The following NEK1 variants were observed in gnomAD, a reference collection of about 807,000 sequenced individuals.
NEK1 encodes NIMA related kinase 1.
NEK1 carries 137 observed loss-of-function variants against 182.1 expected under a neutral mutation model. The ratio of observed to expected loss-of-function variants is 0.75; its 90% CI spans 0.65 to 0.87. The LOEUF is 0.87. Among genes scored for constraint, NEK1 ranks in the 40% least tolerant of loss-of-function variants. NEK1 has a pLI of 0.00. For missense variants in NEK1, 1,391 were observed against 1,494.4 expected (o/e 0.93, Z 1.14); for synonymous variants, 513 against 492.2 (o/e 1.04, Z -0.56).
intron 27 of NEK1, among the ~76,000 whole-genome samples, chr4:169,453,495 C>T (rs1473025325): frequency 6.6e-6 from 1 of 152,210 alleles, no homozygotes; most frequent in Non-Finnish European, 1.5e-5. Context: ...CTCTGCAGCA[C>T]TGTGACATGT....
At chr4:169,524,810 G>A (rs1250683929) in intron 19 of NEK1, among the ~76,000 whole-genome samples, 2 of 152,152 alleles carry the variant, frequency 1.3e-5, no homozygotes, top group African/African-American at 4.8e-5. Flanking sequence ...ACACATGAAC[G>A]TTATGGGAAA....
chr4:169,492,256 G>A (rs993153531), intron 23 of NEK1, among the ~76,000 whole-genome samples: 2 of 152,168 alleles, frequency 1.3e-5, no homozygotes, highest in African/African-American at 4.8e-5. Context: ...TCTCATGCCC[G>A]TTCTCCTCAG....
chr4:169,484,972 A>G (rs984593545), intron 23 of NEK1, among the ~76,000 whole-genome samples: 1 of 152,232 alleles, frequency 6.6e-6, no homozygotes, highest in Non-Finnish European at 1.5e-5. Flanking sequence ...CTTAAACACT[A>G]CAAGTCTGGT....
In NEK1 at chr4:169,420,320, T is replaced by C. The variant is rs114532380; in HGVS notation, c.3222+4233A>G. Among the ~76,000 whole-genome samples, 1,076 of 152,326 alleles carry C rather than the reference T, an allele frequency of 7.1e-3. 11 individuals carry two copies. The highest frequency in any genetic ancestry group is 0.025 in the African/African-American group (1,036 of 41,582). ...CCTGAGGCCGTTTTACAGTTCACTT[T>C]CTTTTAATACGTAGAACACTCCAAA... On this transcript the variant is annotated intron_variant, in intron 31 of 35. Coordinates refer to ENST00000507142, the MANE Select transcript of NEK1 (RefSeq NM_001199397.3).
At position 169,585,485 on chromosome 4, in the gene NEK1, G is replaced by T; in HGVS notation, c.671C>A (p.Ser224Tyr). Residue 224 changes from serine (S) to tyrosine (Y), a missense_variant, in exon 10 of 36, where the codon TCT becomes TAT. Physicochemically the swap from Ser to Tyr is moderately radical, Grantham distance 144 (BLOSUM62 -2). Coordinates refer to ENST00000507142, the MANE Select transcript of NEK1 (RefSeq NM_001199397.3). ...GCGGAGATCATAGGAATAATGCAAAGACACAGGTGGAAAAGATCCAGATAT... is the reference window on the plus strand; with the variant it reads ...GCGGAGATCATAGGAATAATGCAAATACACAGGTGGAAAAGATCCAGATAT... ...KIISGSFPPV[S>Y]LHYSYDLRSL... is the part of the protein sequence containing the mutation. 6.2e-7 allele frequency: 1 copy of T among 1,613,578 alleles called. No homozygotes were observed. Among genetic ancestry groups the T allele is most frequent in the Non-Finnish European group, 8.5e-7 (1 of 1,179,666 alleles).
intron 29 of NEK1, among the ~76,000 whole-genome samples, chr4:169,428,972 A>G (rs572157900): frequency 1.8e-4 from 28 of 152,132 alleles, no homozygotes; most frequent in African/African-American, 6.3e-4. Flanking sequence ...TATTCCATTA[A>G]TGCTTTAGAG....
intron 30 of NEK1, among the ~76,000 whole-genome samples, chr4:169,425,530 T>C (rs1736241491): frequency 6.6e-6 from 1 of 152,092 alleles, no homozygotes; most frequent in South Asian, 2.1e-4. Flanking sequence ...TTTGTTCCTA[T>C]AGGTTAGATG....
chr4:169,515,445 C>T (rs1239328242), intron 19 of NEK1, among the ~76,000 whole-genome samples: 1 of 151,024 alleles, frequency 6.6e-6, no homozygotes, highest in Non-Finnish European at 1.5e-5. Flanking sequence ...TTTCTGCTCT[C>T]TATATTTTAA....
intron 27 of NEK1, among the ~76,000 whole-genome samples, chr4:169,440,831 G>A (rs1294852329): frequency 6.6e-6 from 1 of 152,180 alleles, no homozygotes; most frequent in East Asian, 1.9e-4. Context: ...TGGAGTCAAA[G>A]TGATGCATTA....
intron 18 of NEK1, among the ~76,000 whole-genome samples, chr4:169,543,634 C>G (rs1476737682): frequency 6.6e-6 from 1 of 152,142 alleles, no homozygotes; most frequent in African/African-American, 2.4e-5. Flanking sequence ...AATGTTTTTC[C>G]ATTTGTTTCT....
intron 23 of NEK1, among the ~76,000 whole-genome samples, chr4:169,495,193 A>C (rs1349080380): frequency 6.8e-6 from 1 of 147,518 alleles, no homozygotes; most frequent in African/African-American, 2.5e-5. Context: ...GGTACTGCCT[A>C]GGTTTTCTTC....
At chr4:169,504,242 G>A (rs963290841) in intron 23 of NEK1, among the ~76,000 whole-genome samples, 1 of 152,106 alleles carries the variant, frequency 6.6e-6, no homozygotes, top group Admixed American at 6.6e-5. Context: ...GCGAGGATGT[G>A]GAGAAAAGGG....
intron 29 of NEK1, among the ~76,000 whole-genome samples, chr4:169,427,273 C>G (rs1404879617): frequency 6.6e-6 from 1 of 151,752 alleles, no homozygotes; most frequent in Non-Finnish European, 1.5e-5. Flanking sequence ...ACTACAGGAG[C>G]CCGCCACCAT....
In NEK1 at chr4:169,602,678, A is replaced by G. The variant is rs1055207009; in HGVS notation, c.-48T>C. The G allele has an allele frequency of 1.0e-6, 1 of 976,668 alleles. No individual in the cohort carries two copies. Among genetic ancestry groups the G allele is most frequent in the Admixed American group, 2.0e-5 (1 of 49,676 alleles). The allele number at this position is 976,668 out of a possible 1,614,324, so 60.5% of individuals were successfully genotyped here. The stretch of plus-strand genomic sequence containing the variant: ...TACAGATATGCTAGACATTTAAAAA[A>G]CTAACAAAAAAGATAAAGCATTTAT... On this transcript the variant is annotated splice_region_variant and 5_prime_UTR_variant, in exon 3 of 36. Transcript: ENST00000507142.
chr4:169,551,984 T>C (rs1266983427), intron 18 of NEK1, among the ~76,000 whole-genome samples: 1 of 151,682 alleles, frequency 6.6e-6, no homozygotes, highest in East Asian at 1.9e-4. Flanking sequence ...AAAGAAAGAG[T>C]ATTAAAAAGA....
At chr4:169,446,939 A>G (rs1313919660) in intron 27 of NEK1, among the ~76,000 whole-genome samples, 3 of 152,214 alleles carry the variant, frequency 2.0e-5, no homozygotes, top group African/African-American at 7.2e-5. Context: ...AATACCTACA[A>G]GATCTAAAAA....
At chr4:169,569,644 A>G (rs1251295489) in intron 12 of NEK1, among the ~76,000 whole-genome samples, 1 of 151,896 alleles carries the variant, frequency 6.6e-6, no homozygotes, top group Non-Finnish European at 1.5e-5. Context: ...GGCGCGCGCC[A>G]CCACGCCTGA....
At chr4:169,578,835 G>C (rs998604720) in intron 11 of NEK1, among the ~76,000 whole-genome samples, 6 of 152,216 alleles carry the variant, frequency 3.9e-5, no homozygotes, top group African/African-American at 1.4e-4. Flanking sequence ...GATAGGGTAA[G>C]GTTTTCCAAA....
intron 19 of NEK1, among the ~76,000 whole-genome samples, chr4:169,533,946 T>C (rs1046720929): frequency 1.3e-5 from 2 of 152,136 alleles, no homozygotes; most frequent in Non-Finnish European, 2.9e-5. Context: ...AATATTCAAG[T>C]GAAGTTCAGA....
Sources: allele counts gnomAD v4.1 joint callset (sites outside exome capture counted in the v4.1 genomes callset), GRCh38; gene constraint gnomAD v4.1.1; transcripts MANE v1.5; gene names NCBI Gene and HGNC (gene_info 2026-07-23, HGNC 2026-07-21).